Variants in IGSF10 observed in about 807,000 individuals in gnomAD.
IGSF10 encodes the protein immunoglobulin superfamily member 10, also known as calvaria mechanical force protein 608.
A neutral mutation model predicts 128.2 loss-of-function variants in IGSF10; 126 were observed. The ratio of observed to expected loss-of-function variants is 0.98; its 90% CI spans 0.85 to 1.14. The LOEUF (loss-of-function observed/expected upper bound fraction) is 1.14. Ranked by LOEUF, IGSF10 falls within the 50% of genes most tolerant of loss-of-function variation. The probability of loss-of-function intolerance (pLI) is 0.00; values close to 1 mark genes in which losing one functional copy is unlikely to be tolerated. For synonymous variants in IGSF10, 1,185 were observed against 1,146.2 expected (o/e 1.03, Z -0.68); for missense variants, 3,295 against 3,149.8 (o/e 1.05, Z -1.10).
chr3:151,447,555 G>A lies in IGSF10; in HGVS notation c.2426C>T (p.Pro809Leu), dbSNP rs771821265. The change falls in exon 6 of 8, where the codon CCG becomes CTG. Residue 809 changes from proline (P) to leucine (L), a missense_variant. Physicochemically the swap from Pro to Leu is moderately conservative, Grantham distance 98. Transcript: ENST00000282466. ...MLALHEEFMV[P>L]ATKALNLPAR... ...TGGAAGGTTCAAAGCTTTAGTGGCCGGGACCATAAATTCCTCATGTAGAGC... is the reference window on the plus strand; with the variant it reads ...TGGAAGGTTCAAAGCTTTAGTGGCCAGGACCATAAATTCCTCATGTAGAGC... The A allele has an allele frequency of 1.9e-5, 30 of 1,614,000 alleles. No individual in the cohort carries two copies. The highest frequency in any genetic ancestry group is 3.3e-5 in the Admixed American group (2 of 59,990).
chr3:151,498,264 C>G, the IGSF10 span, among the ~76,000 whole-genome samples: 1 of 152,110 alleles, frequency 6.6e-6, no homozygotes, highest in Admixed American at 6.6e-5. Flanking sequence ...TTTTCTAATG[C>G]TTCCAGTTTT....
At chr3:151,468,517 C>T in the IGSF10 span, among the ~76,000 whole-genome samples, 1 of 152,186 alleles carries the variant, frequency 6.6e-6, no homozygotes. Flanking sequence ...GAGACCTTAG[C>T]CCTCCTGATA....
intron 3 of IGSF10, among the ~76,000 whole-genome samples, chr3:151,458,110 CAT>C (rs143716078): frequency 2.5e-4 from 38 of 149,958 alleles, no homozygotes; most frequent in Admixed American, 1.6e-3. Flanking sequence ...AAAAAGGATA[CAT>C]ATATATATAT....
At chr3:151,576,153 T>C in the IGSF10 span, among the ~76,000 whole-genome samples, 9 of 151,838 alleles carry the variant, frequency 5.9e-5, no homozygotes, top group Non-Finnish European at 1.3e-4. Context: ...TTCTGCTATA[T>C]CAAGTAGCTG....
chr3:151,508,927 T>C, the IGSF10 span, among the ~76,000 whole-genome samples: 3 of 152,234 alleles, frequency 2.0e-5, no homozygotes, highest in South Asian at 6.2e-4. Context: ...ATTATGGTTA[T>C]TATGTTACCA....
At chr3:151,461,934 C>G (rs1722076269), upstream of IGSF10, among the ~76,000 whole-genome samples, 2 of 152,170 alleles carry the variant, frequency 1.3e-5, no homozygotes. Context: ...AACTGCCAAA[C>G]AATATTACAT....
Position 151,436,231 on chromosome 3 carries a change from AT to A in IGSF10, c.*457del, listed in dbSNP as rs1720182892. On this transcript the variant is annotated 3_prime_UTR_variant, in exon 8 of 8. Coordinates refer to ENST00000282466, the MANE Select transcript of IGSF10 (RefSeq NM_178822.5). ...TCTGTAGGTTTTAGCAAAAAAATTT[AT>A]AAACCACAAAATATTTATACATCAG... The A allele has an allele frequency of 6.5e-6, 1 of 153,748 alleles. No individual in the cohort carries two copies. The highest frequency in any genetic ancestry group is 2.4e-5 in the African/African-American group (1 of 41,424). 9.5% of individuals were successfully genotyped at this position (153,748 alleles called of 1,614,324 possible).
At chr3:151,489,847 G>A in the IGSF10 span, among the ~76,000 whole-genome samples, 3 of 152,108 alleles carry the variant, frequency 2.0e-5, no homozygotes, top group Admixed American at 2.0e-4. Context: ...GGGAGGGATA[G>A]CATTAGGAGA....
At position 151,437,817 on chromosome 3, in the gene IGSF10, T is replaced by C; in HGVS notation, c.6744A>G (p.Lys2248=). Residue 2248 remains lysine (K), a synonymous_variant, in exon 8 of 8, where the codon AAA becomes AAG. Coordinates refer to ENST00000282466, the MANE Select transcript of IGSF10 (RefSeq NM_178822.5). ...TTTTGGAATGTCTCACAGCTGTGGC[T>C]TTAATAACAGTTCTGTTTGTATACA... ...NGLYTNRTVI[K]ATAVRHSKKH... 1 of 1,613,952 alleles carries C rather than the reference T, an allele frequency of 6.2e-7. No homozygotes were observed. The highest frequency in any genetic ancestry group is 8.5e-7 in the Non-Finnish European group (1 of 1,179,988).
the IGSF10 span, among the ~76,000 whole-genome samples, chr3:151,561,448 A>T: frequency 1.8e-4 from 28 of 152,202 alleles, no homozygotes; most frequent in African/African-American, 6.8e-4. Flanking sequence ...CATCAGGTTC[A>T]TCTGTACAAA....
In IGSF10 at chr3:151,442,937, G is replaced by A. The variant is rs778745015; in HGVS notation, c.5963+47C>T. The A allele has an allele frequency of 3.3e-6, 5 of 1,532,276 alleles. No individual in the cohort carries two copies. In the African/African-American group the frequency reaches 5.5e-5, roughly 17 times the overall value. 94.9% of individuals were successfully genotyped at this position (1,532,276 alleles called of 1,614,324 possible). On this transcript the variant is annotated intron_variant, in intron 7 of 7. Coordinates refer to ENST00000282466, the MANE Select transcript of IGSF10 (RefSeq NM_178822.5). ...CTTTTTCCATTTCAGAAGTTGTACAGCTAAATACATAAAGCAGATAATTCC... is the reference window on the plus strand; with the variant it reads ...CTTTTTCCATTTCAGAAGTTGTACAACTAAATACATAAAGCAGATAATTCC...
chr3:151,560,940 T>C, the IGSF10 span, among the ~76,000 whole-genome samples: 1 of 152,234 alleles, frequency 6.6e-6, no homozygotes, highest in African/African-American at 2.4e-5. Flanking sequence ...CTTCGTTTAC[T>C]TGTTGGAAAG....
the IGSF10 span, among the ~76,000 whole-genome samples, chr3:151,478,802 T>C: frequency 6.6e-6 from 1 of 152,122 alleles, no homozygotes; most frequent in Non-Finnish European, 1.5e-5. Context: ...GAGTGTGATA[T>C]GAGAGAAAGT....
chr3:151,615,965 T>C, the IGSF10 span, among the ~76,000 whole-genome samples: 5 of 78,660 alleles, frequency 6.4e-5, no homozygotes, highest in Admixed American at 4.1e-4. Flanking sequence ...TTTTTTGAGG[T>C]TTTTTTTTTT....
chr3:151,582,292 C>CCG, the IGSF10 span, among the ~76,000 whole-genome samples: 2 of 39,370 alleles, frequency 5.1e-5, no homozygotes, highest in Non-Finnish European at 9.6e-5. Context: ...TAAAAATATC[C>CCG]GGGGGGGGGG....
chr3:151,472,129 G>T, the IGSF10 span, among the ~76,000 whole-genome samples: 1 of 152,058 alleles, frequency 6.6e-6, no homozygotes, highest in Admixed American at 6.6e-5. Context: ...TGCTAAAATG[G>T]TTTATAACCA....
At chr3:151,435,688 C>T (rs1427527009), downstream of IGSF10, 1 of 152,044 alleles carries the variant, frequency 6.6e-6, no homozygotes, top group Non-Finnish European at 1.5e-5. Flanking sequence ...AACCCCACCC[C>T]TAGATTTAGA....
chr3:151,486,271 T>C, the IGSF10 span, among the ~76,000 whole-genome samples: 1 of 152,180 alleles, frequency 6.6e-6, no homozygotes, highest in African/African-American at 2.4e-5. Flanking sequence ...AAGAGCTAAC[T>C]ATCCTACATA....
chr3:151,538,772 T>C, the IGSF10 span, among the ~76,000 whole-genome samples: 12 of 152,130 alleles, frequency 7.9e-5, no homozygotes, highest in Non-Finnish European at 1.8e-4. Flanking sequence ...CACAGAACAA[T>C]GTTGAGTTGA....
Sources: allele counts gnomAD v4.1 joint callset (sites outside exome capture counted in the v4.1 genomes callset), GRCh38; gene constraint gnomAD v4.1.1; transcripts MANE v1.5; gene names NCBI Gene and HGNC (gene_info 2026-07-23, HGNC 2026-07-21).